Variants in STK3 observed in about 807,000 individuals in gnomAD.
The protein encoded by STK3 is serine/threonine-protein kinase 3.
A neutral mutation model predicts 58.0 loss-of-function variants in STK3; 41 were observed. The observed-to-expected ratio is 0.71, with a 90% CI of 0.55 to 0.92. STK3 has a LOEUF of 0.92. STK3 is among the 40% of genes least tolerant of loss of function. STK3 has a pLI of 0.00. For synonymous variants in STK3, 170 were observed against 191.0 expected (o/e 0.89, Z 0.91); for missense variants, 479 against 602.7 (o/e 0.79, Z 2.15).
intron 4 of STK3, among the ~76,000 whole-genome samples, chr8:98,740,483 C>G (rs1368165584): frequency 6.6e-6 from 1 of 152,164 alleles, no homozygotes; most frequent in Admixed American, 6.5e-5. Flanking sequence ...AATTTCATAT[C>G]CAGCCAAACT....
chr8:98,930,326 C>CA (rs1839962026), intron 1 of STK3, among the ~76,000 whole-genome samples: 1 of 152,210 alleles, frequency 6.6e-6, no homozygotes, highest in African/African-American at 2.4e-5. Flanking sequence ...CCCAGGCCCC[C>CA]AAACTCCATT....
At chr8:98,407,245 G>A (rs1818002708) in intron 3 of STK3, among the ~76,000 whole-genome samples, 1 of 152,240 alleles carries the variant, frequency 6.6e-6, no homozygotes, top group African/African-American at 2.4e-5. Flanking sequence ...TGTCGCCCTG[G>A]AGTCCAGCCT....
At chr8:98,889,509 GT>G (rs1564084456) in intron 1 of STK3, among the ~76,000 whole-genome samples, 1 of 152,176 alleles carries the variant, frequency 6.6e-6, no homozygotes. Flanking sequence ...AAGCAGAAAT[GT>G]TTAAATGTGA....
Position 98,589,331 on chromosome 8 carries a change from T to C in STK3, c.822+6701A>G, listed in dbSNP as rs556796531. On this transcript the variant is annotated intron_variant, in intron 7 of 10. Coordinates refer to ENST00000419617, the MANE Select transcript of STK3 (RefSeq NM_006281.4). ...TCCTTCTAACAGACAGGACCCTCAG[T>C]TGCAGGTCTGTTGGAGTAACCTGCC... Among the ~76,000 whole-genome samples, 442 of 152,328 alleles carry C rather than the reference T, an allele frequency of 2.9e-3. 2 individuals are homozygous for C. The highest frequency in any genetic ancestry group is 4.5e-3 in the Non-Finnish European group (307 of 68,018).
At chr8:98,363,348 C>A in the STK3 span, among the ~76,000 whole-genome samples, 1 of 152,098 alleles carries the variant, frequency 6.6e-6, no homozygotes, top group African/African-American at 2.4e-5. Context: ...TGGAAATGCA[C>A]CCCCAGAAAA....
At chr8:98,614,375 G>T (rs1370075093) in intron 6 of STK3, among the ~76,000 whole-genome samples, 1 of 151,600 alleles carries the variant, frequency 6.6e-6, no homozygotes, top group Non-Finnish European at 1.5e-5. Flanking sequence ...GACATAATAG[G>T]AAAATCAAGC....
chr8:98,928,487 G>T lies in STK3; in HGVS notation c.-79+13891C>A, dbSNP rs1249028085. Among the ~76,000 whole-genome samples the T allele has an allele frequency of 2.6e-5, 4 of 152,190 alleles. No homozygotes were observed. The East Asian group carries it at 7.7e-4, about 29-fold the overall frequency. The stretch of plus-strand genomic sequence containing the variant: ...GGTTGGGGGATTTGGCAATTGGATG[G>T]TTAGTTAGTCCCTCAGGAATAGCTA... On this transcript the variant is annotated intron_variant, in intron 1 of 1. Transcript: ENST00000519420.
chr8:98,738,597 C>A (rs1828838410), intron 4 of STK3, among the ~76,000 whole-genome samples: 1 of 152,202 alleles, frequency 6.6e-6, no homozygotes, highest in Non-Finnish European at 1.5e-5. Flanking sequence ...GAACATATTT[C>A]TGGATCCGGG....
chr8:98,514,471 T>C (rs773720057), intron 10 of STK3, among the ~76,000 whole-genome samples: 20 of 152,174 alleles, frequency 1.3e-4, no homozygotes, highest in Non-Finnish European at 1.9e-4. Context: ...AACAAAAAAC[T>C]TGATAGCTAA....
exon 2 of STK3, chr8:98,883,813 T>G (rs970563187): frequency 2.5e-5 from 17 of 681,044 alleles, no homozygotes; most frequent in Non-Finnish European, 4.6e-5. Context: ...TCCAAATTCC[T>G]GAAGAAGGGA....
intron 4 of STK3, among the ~76,000 whole-genome samples, chr8:98,711,915 A>C (rs1826488640): frequency 6.6e-6 from 1 of 152,262 alleles, no homozygotes; most frequent in Non-Finnish European, 1.5e-5. Flanking sequence ...AGGGAAGCCC[A>C]TCAGACTGAC....
Position 98,683,636 on chromosome 8 carries a change from G to A in STK3, c.684+22831C>T, listed in dbSNP as rs543152285. Among the ~76,000 whole-genome samples the A allele has an allele frequency of 3.3e-5, 5 of 152,110 alleles. No homozygotes were observed. The South Asian group carries it at 8.3e-4, about 25-fold the overall frequency. On this transcript the variant is annotated intron_variant, in intron 6 of 10. Transcript: ENST00000419617. The stretch of plus-strand genomic sequence containing the variant: ...AGTGCCATAAGAAAATTATAGATAA[G>A]GTGATATGAGAATTCAAAGAAAGAA...
In STK3 at chr8:98,589,714, GT is replaced by G. The variant is rs1211796921; in HGVS notation, c.822+6317del. Among the ~76,000 whole-genome samples the G allele has an allele frequency of 2.0e-5, 3 of 152,238 alleles. No individual in the cohort carries two copies. The East Asian group carries it at 5.8e-4, about 29-fold the overall frequency. ...CCCCCAGCCTAGCTGCTGCCTTGCA[GT>G]TTGATCTCAGACTGCTGTGCTAGCA... is the stretch of plus-strand genomic sequence containing the variant. On this transcript the variant is annotated intron_variant, in intron 7 of 10. Coordinates refer to ENST00000419617, the MANE Select transcript of STK3 (RefSeq NM_006281.4).
At chr8:98,772,753 T>A (rs778981917) in intron 2 of STK3, among the ~76,000 whole-genome samples, 18 of 152,046 alleles carry the variant, frequency 1.2e-4, no homozygotes, top group Non-Finnish European at 2.1e-4. Context: ...CTGCCCTATC[T>A]TGCTCCTGCT....
intron 9 of STK3, among the ~76,000 whole-genome samples, chr8:98,544,026 C>T (rs573335212): frequency 6.7e-6 from 1 of 149,694 alleles, no homozygotes; most frequent in Non-Finnish European, 1.5e-5. Context: ...GAGTTTAGAA[C>T]ATAAGAGAGT....
the STK3 span, among the ~76,000 whole-genome samples, chr8:98,361,752 A>G: frequency 6.6e-6 from 1 of 152,198 alleles, no homozygotes; most frequent in Non-Finnish European, 1.5e-5. Flanking sequence ...CCCCAGGCAC[A>G]CCAGCTTCTA....
intron 6 of STK3, among the ~76,000 whole-genome samples, chr8:98,664,904 T>TAA (rs777614487): frequency 7.0e-6 from 1 of 142,534 alleles, no homozygotes; most frequent in African/African-American, 2.6e-5. Context: ...CCGTCTCAAT[T>TAA]AAAAAAAAAA....
At chr8:98,840,815 C>T (rs2131808512) in intron 3 of STK3, among the ~76,000 whole-genome samples, 1 of 152,030 alleles carries the variant, frequency 6.6e-6, no homozygotes, top group African/African-American at 2.4e-5. Flanking sequence ...TTCAGGGCCT[C>T]TCAAAAGGCT....
intron 6 of STK3, among the ~76,000 whole-genome samples, chr8:98,695,752 T>G (rs1302023960): frequency 6.6e-6 from 1 of 152,242 alleles, no homozygotes; most frequent in East Asian, 1.9e-4. Flanking sequence ...ACCAGTACCA[T>G]GCTGTTTTGG....
Sources: gnomAD v4.1 joint callset for allele counts (sites outside exome capture counted in the v4.1 genomes callset) on GRCh38, gnomAD v4.1.1 for gene constraint, MANE v1.5 for transcripts, NCBI Gene and HGNC (gene_info 2026-07-23, HGNC 2026-07-21) for gene names.